UMAD1: variants seen among roughly 807,000 people sequenced by gnomAD.
UMAD1 encodes UBAP1-MVB12-associated (UMA) domain containing 1.
In UMAD1, 8 loss-of-function variants were observed where a neutral mutation model predicts 6.1. The observed-to-expected ratio is 1.30, with a 90% CI of 0.76 to 2.35. The LOEUF (loss-of-function observed/expected upper bound fraction) is 2.35. Ranked by LOEUF, UMAD1 falls within the 30% of genes most tolerant of loss-of-function variation. The pLI, the probability that UMAD1 is intolerant of heterozygous loss-of-function variation, is 0.00. For missense variants in UMAD1, 130 were observed against 78.4 expected (o/e 1.66, Z -2.49); for synonymous variants, 56 against 31.4 (o/e 1.78, Z -2.61).
At chr7:7,846,074 G>A (rs10276305) in intron 3 of UMAD1, among the ~76,000 whole-genome samples, 12,924 of 152,148 alleles carry the variant, frequency 0.085, 1,225 homozygotes, top group African/African-American at 0.23. Flanking sequence ...CTTAAGAACA[G>A]TGTCGAGTAG....
chr7:7,843,532 T>G (rs932100525), intron 3 of UMAD1, among the ~76,000 whole-genome samples: 1 of 152,196 alleles, frequency 6.6e-6, no homozygotes, highest in Non-Finnish European at 1.5e-5. Flanking sequence ...AACACGCACA[T>G]AATATATGAA....
intron 2 of UMAD1, among the ~76,000 whole-genome samples, chr7:7,778,284 G>GAGAC (rs1035549162): frequency 1.3e-5 from 2 of 151,044 alleles, no homozygotes; most frequent in South Asian, 2.1e-4. Flanking sequence ...GTGAGAGAGA[G>GAGAC]AGAGAGAGAG....
chr7:7,844,305 T>C (rs1339693157), intron 3 of UMAD1, among the ~76,000 whole-genome samples: 7 of 152,138 alleles, frequency 4.6e-5, no homozygotes, highest in Admixed American at 4.6e-4. Context: ...TTTTTTTTCT[T>C]TTTGCTTTCA....
intron 3 of UMAD1, among the ~76,000 whole-genome samples, chr7:7,818,734 C>CAAAG (rs1471904870): frequency 1.4e-4 from 21 of 152,296 alleles, no homozygotes; most frequent in African/African-American, 5.1e-4. Context: ...TAGCACTATT[C>CAAAG]ACAATAGCAA....
intron 3 of UMAD1, among the ~76,000 whole-genome samples, chr7:7,825,054 C>T (rs748395286): frequency 2.0e-5 from 3 of 152,084 alleles, no homozygotes; most frequent in Non-Finnish European, 4.4e-5. Context: ...ACTTTCCATT[C>T]AGGTTTGTAG....
intron 3 of UMAD1, among the ~76,000 whole-genome samples, chr7:7,859,711 A>G (rs142114809): frequency 2.4e-4 from 37 of 152,318 alleles, no homozygotes; most frequent in Admixed American, 8.5e-4. Flanking sequence ...AGTCTTGCAG[A>G]TTAATTTTCA....
intron 1 of UMAD1, among the ~76,000 whole-genome samples, chr7:7,647,065 A>G (rs1785114896): frequency 6.6e-6 from 1 of 152,194 alleles, no homozygotes; most frequent in Admixed American, 6.5e-5. Context: ...TTTATTCTCC[A>G]AGATTGTACA....
chr7:7,659,572 C>A (rs1222614590), intron 1 of UMAD1, among the ~76,000 whole-genome samples: 1 of 152,146 alleles, frequency 6.6e-6, no homozygotes, highest in Non-Finnish European at 1.5e-5. Flanking sequence ...ACCCAGTAGT[C>A]ATACAGGAGC....
chr7:7,786,880 G>A (rs915164880), intron 2 of UMAD1, among the ~76,000 whole-genome samples: 1 of 152,174 alleles, frequency 6.6e-6, no homozygotes, highest in African/African-American at 2.4e-5. Flanking sequence ...GAGAAGAGAA[G>A]GGATTTGACT....
intron 1 of UMAD1, among the ~76,000 whole-genome samples, chr7:7,659,784 T>C (rs1476828792): frequency 1.3e-5 from 2 of 152,192 alleles, no homozygotes; most frequent in Non-Finnish European, 2.9e-5. Flanking sequence ...TCTGTTAATT[T>C]GGGGTGGAGT....
intron 2 of UMAD1, among the ~76,000 whole-genome samples, chr7:7,795,090 C>T: frequency 6.6e-6 from 1 of 152,188 alleles, no homozygotes. Context: ...TTAGGCTGAA[C>T]CAATATATAC....
intron 2 of UMAD1, among the ~76,000 whole-genome samples, chr7:7,724,463 T>A (rs1781104858): frequency 6.6e-6 from 1 of 152,158 alleles, no homozygotes; most frequent in African/African-American, 2.4e-5. Context: ...AGGGCTATTA[T>A]GGTGGGAAAT....
In UMAD1 at chr7:7,717,060, C is replaced by CTT. The variant is rs766644906; in HGVS notation, c.82+43620_82+43621dup. On this transcript the variant is annotated intron_variant, in intron 2 of 3. Coordinates refer to ENST00000682710, the MANE Select transcript of UMAD1 (RefSeq NM_001302348.2). The stretch of plus-strand genomic sequence containing the variant: ...TTCCTTTTTCTTTCTTTCTTTTTTT[C>CTT]TTTTTTTTTTTTTTGAGACGGAGTC... Among the ~76,000 whole-genome samples, 205 of 141,608 alleles carry CTT rather than the reference C, an allele frequency of 1.4e-3. 1 individual carries two copies. The highest frequency in any genetic ancestry group is 4.6e-3 in the African/African-American group (176 of 37,914). 92.9% of individuals were successfully genotyped at this position (141,608 alleles called of 152,430 possible). A position where few individuals can be genotyped will look rare whatever the true frequency, so the allele number is the denominator to read the frequency against.
At chr7:7,824,296 A>T (rs1783301232) in intron 3 of UMAD1, among the ~76,000 whole-genome samples, 1 of 152,178 alleles carries the variant, frequency 6.6e-6, no homozygotes. Context: ...TTAGCATGGC[A>T]TCCAGCACCC....
At chr7:7,792,225 A>T (rs1269326889) in intron 2 of UMAD1, among the ~76,000 whole-genome samples, 1 of 151,968 alleles carries the variant, frequency 6.6e-6, no homozygotes, top group African/African-American at 2.4e-5. Context: ...CCTTTCCTAT[A>T]TTTGTTTGCT....
chr7:7,791,279 G>C (rs544597287), intron 2 of UMAD1, among the ~76,000 whole-genome samples: 1 of 152,302 alleles, frequency 6.6e-6, no homozygotes, highest in South Asian at 2.1e-4. Flanking sequence ...GTTCTCAGCA[G>C]AGCCTGTAGA....
At chr7:7,787,296 T>C (rs987490930) in intron 2 of UMAD1, among the ~76,000 whole-genome samples, 1 of 152,224 alleles carries the variant, frequency 6.6e-6, no homozygotes, top group Admixed American at 6.5e-5. Flanking sequence ...GTTTTTACTC[T>C]TTAACCAGTC....
intron 2 of UMAD1, chr7:7,742,313 G>A: frequency 6.3e-6 from 4 of 630,052 alleles, no homozygotes; most frequent in South Asian, 2.7e-5. Context: ...AGTGGTCAGC[G>A]GAAATTTGAT....
intron 2 of UMAD1, among the ~76,000 whole-genome samples, chr7:7,786,021 A>G (rs1782454983): frequency 6.6e-6 from 1 of 152,254 alleles, no homozygotes; most frequent in Non-Finnish European, 1.5e-5. Context: ...CAAAAACAGT[A>G]CAAAGTGCTT....
Sources: allele counts gnomAD v4.1 joint callset (sites outside exome capture counted in the v4.1 genomes callset), GRCh38; gene constraint gnomAD v4.1.1; transcripts MANE v1.5; gene names NCBI Gene and HGNC (gene_info 2026-07-23, HGNC 2026-07-21).